The following RAD54L2 variants were observed in gnomAD, a reference collection of about 807,000 sequenced individuals.
The protein encoded by RAD54L2 is helicase ARIP4.
Under a neutral mutation model 138.4 loss-of-function variants are expected in RAD54L2, and 27 were observed. The observed-to-expected ratio is 0.20, with a 90% CI of 0.14 to 0.27. The LOEUF (loss-of-function observed/expected upper bound fraction) is 0.27, where lower values mean the gene tolerates loss of function less well. Among genes scored for constraint, RAD54L2 ranks in the 10% least tolerant of loss-of-function variants. The pLI is 1.00. For synonymous variants in RAD54L2, 644 were observed against 723.2 expected (o/e 0.89, Z 1.76); for missense variants, 1,396 against 1,890.2 (o/e 0.74, Z 4.85).
chr3:51,621,412 G>C (rs903298300), intron 3 of RAD54L2, among the ~76,000 whole-genome samples: 2 of 152,194 alleles, frequency 1.3e-5, no homozygotes, highest in African/African-American at 2.4e-5. Flanking sequence ...GCCACATTCA[G>C]CCTCATGTCA....
chr3:51,547,214 A>G (rs781788755), intron 2 of RAD54L2, among the ~76,000 whole-genome samples: 1 of 151,942 alleles, frequency 6.6e-6, no homozygotes, highest in Non-Finnish European at 1.5e-5. Flanking sequence ...TAGCTGGGCA[A>G]GGTGACACAC....
At chr3:51,545,604 C>T (rs1158915912) in intron 2 of RAD54L2, among the ~76,000 whole-genome samples, 1 of 151,654 alleles carries the variant, frequency 6.6e-6, no homozygotes, top group African/African-American at 2.4e-5. Context: ...GAGACAGAGT[C>T]TCTCTCTGTC....
Position 51,637,195 on chromosome 3 carries a change from T to G in RAD54L2, c.1374T>G (p.Asp458Glu). 1 of 1,590,748 alleles carries G rather than the reference T, an allele frequency of 6.3e-7. No homozygotes were observed. Among genetic ancestry groups the G allele is most frequent in the Non-Finnish European group, 8.6e-7 (1 of 1,168,454 alleles). ...AGGCTTTATGCCGCCCTGGCCCTGA[T>G]GTAGTAATCTGTGATGAGGGACACC... Reference protein sequence around the residue: ...FEKALCRPGPDVVICDEGHRI... With the variant: ...FEKALCRPGPEVVICDEGHRI... Residue 458 changes from aspartate to glutamate, a missense_variant, in exon 11 of 23, where the codon GAT becomes GAG. By Grantham distance (45) the Asp-to-Glu change is conservative (BLOSUM62 2). Around this residue, in one of 7 missense-constraint regions of RAD54L2, gnomAD observed 169 missense variants for 235.6 expected, o/e 0.72. Coordinates refer to ENST00000684192, the MANE Select transcript of RAD54L2 (RefSeq NM_015106.4). The surrounding 1 kb of genome is among the most constrained non-coding windows in gnomAD (Gnocchi z 5.9).
Position 51,662,598 on chromosome 3 carries a change from C to G in RAD54L2, c.3582C>G (p.Ser1194Arg). The change falls in exon 23 of 23, where the codon AGC becomes AGG. Residue 1194 changes from serine (S) to arginine (R), a missense_variant. Ser to Arg is a moderately radical substitution (Grantham distance 110). This residue lies in a region of RAD54L2 where 634 missense variants were observed against 711.2 expected (regional missense o/e 0.89). Coordinates refer to ENST00000684192, the MANE Select transcript of RAD54L2 (RefSeq NM_015106.4). The surrounding 1 kb of genome is among the most constrained non-coding windows in gnomAD (Gnocchi z 4.6). ...CTGCTGCCCGGGAATCCCGTCAGAG[C>G]TCCCCAAGCACCAATGCCGCCCTGC... ...DVAAARESRQ[S>R]SPSTNAALPG... 6.2e-7 allele frequency: 1 copy of G among 1,613,142 alleles called. No homozygotes were observed. The highest frequency in any genetic ancestry group is 8.5e-7 in the Non-Finnish European group (1 of 1,179,534).
At chr3:51,566,219 C>T (rs1699212769) in intron 2 of RAD54L2, among the ~76,000 whole-genome samples, 1 of 152,104 alleles carries the variant, frequency 6.6e-6, no homozygotes, top group Admixed American at 6.5e-5. Flanking sequence ...TTTCTTTGTT[C>T]CAGTCCCTTT....
chr3:51,644,962 A>C, intron 16 of RAD54L2, 62 bp from the exon 17 acceptor site: 1 of 1,577,700 alleles, frequency 6.3e-7, no homozygotes, highest in Non-Finnish European at 8.7e-7. Context: ...CAGAGGGCAA[A>C]ACTGATTTGA....
At chr3:51,580,187 A>C (rs74330453) in intron 2 of RAD54L2, among the ~76,000 whole-genome samples, 2,026 of 152,288 alleles carry the variant, frequency 0.013, 21 homozygotes, top group Non-Finnish European at 0.022. Flanking sequence ...ACCCCTCCTC[A>C]GGTTTAATAA....
At chr3:51,644,105 G>C in intron 16 of RAD54L2, 131 bp downstream of exon 16, 1 of 699,638 alleles carries the variant, frequency 1.4e-6, no homozygotes, top group Non-Finnish European at 2.3e-6. Context: ...TGGGGTCAGA[G>C]AGGGAACTTC....
At chr3:51,583,882 C>T (rs1358173893) in intron 2 of RAD54L2, among the ~76,000 whole-genome samples, 1 of 149,980 alleles carries the variant, frequency 6.7e-6, no homozygotes, top group African/African-American at 2.5e-5. Context: ...GCCTCTTGAG[C>T]CATGGTGGGC....
intron 1 of RAD54L2, among the ~76,000 whole-genome samples, chr3:51,540,737 A>T (rs1403863511): frequency 6.6e-6 from 1 of 152,200 alleles, no homozygotes; most frequent in Non-Finnish European, 1.5e-5. Flanking sequence ...GCTTTAAATA[A>T]TTATTTTTCT....
chr3:51,589,718 ATATATG>A (rs1699800557), intron 2 of RAD54L2, among the ~76,000 whole-genome samples: 1 of 152,000 alleles, frequency 6.6e-6, no homozygotes. Context: ...ATACACACAC[ATATATG>A]TATATGTATA....
chr3:51,559,094 C>G (rs571951946), intron 2 of RAD54L2, among the ~76,000 whole-genome samples: 24 of 151,846 alleles, frequency 1.6e-4, no homozygotes, highest in African/African-American at 5.8e-4. Context: ...AGGCTGGTCT[C>G]AAACTCCTGA....
At chr3:51,597,127 T>G (rs1055263441) in intron 3 of RAD54L2, among the ~76,000 whole-genome samples, 2 of 138,304 alleles carry the variant, frequency 1.4e-5, no homozygotes, top group Non-Finnish European at 3.0e-5. Flanking sequence ...ATTGCGCTAT[T>G]GCACTCCAGC....
At chr3:51,580,341 C>G (rs1699578439) in intron 2 of RAD54L2, among the ~76,000 whole-genome samples, 2 of 152,074 alleles carry the variant, frequency 1.3e-5, no homozygotes, top group South Asian at 4.1e-4. Context: ...GCTTCTGTGC[C>G]CTATCCTGGA....
rs139659840 is a variant in RAD54L2 at position 51,626,148 on chromosome 3, C to T, written c.140-1405C>T. Among the ~76,000 whole-genome samples the T allele has an allele frequency of 2.7e-3, 404 of 152,114 alleles. 3 individuals carry two copies. The highest frequency in any genetic ancestry group is 9.0e-3 in the African/African-American group (375 of 41,528). On this transcript the variant is annotated intron_variant, in intron 3 of 22. Transcript: ENST00000684192. Reference sequence around the variant, plus strand: ...TCCTGGGTCCTTCCTGCCTGAGATCCAAATGGCATTGTCTAGAGCACCTCA... The same window carrying T: ...TCCTGGGTCCTTCCTGCCTGAGATCTAAATGGCATTGTCTAGAGCACCTCA...
intron 2 of RAD54L2, among the ~76,000 whole-genome samples, chr3:51,578,853 C>G (rs947468238): frequency 6.6e-6 from 1 of 152,134 alleles, no homozygotes; most frequent in Non-Finnish European, 1.5e-5. Flanking sequence ...GTGACAGCCT[C>G]TTGCACCCAC....
intron 3 of RAD54L2, among the ~76,000 whole-genome samples, chr3:51,607,362 G>A (rs1327292482): frequency 2.0e-5 from 3 of 151,752 alleles, no homozygotes; most frequent in South Asian, 2.1e-4. Flanking sequence ...ATCTTGCACC[G>A]CCCTTAATCC....
chr3:51,598,082 T>G (rs1307047198), intron 3 of RAD54L2, among the ~76,000 whole-genome samples: 2 of 150,178 alleles, frequency 1.3e-5, no homozygotes, highest in Non-Finnish European at 3.0e-5. Flanking sequence ...GTATTAAGCC[T>G]AAAATACCCA....
At chr3:51,598,177 GTATATA>G (rs71084152) in intron 3 of RAD54L2, among the ~76,000 whole-genome samples, 3 of 135,256 alleles carry the variant, frequency 2.2e-5, no homozygotes, top group Non-Finnish European at 3.2e-5. Flanking sequence ...GTGTGTGTGT[GTATATA>G]TATATATATA....
Sources: gnomAD v4.1 joint callset for allele counts (sites outside exome capture counted in the v4.1 genomes callset) on GRCh38, gnomAD v4.1.1 for gene constraint, gnomAD v4.1.1 regional missense constraint, Gnocchi (gnomAD v3.1) non-coding constraint, MANE v1.5 for transcripts, NCBI Gene and HGNC (gene_info 2026-07-23, HGNC 2026-07-21) for gene names.